The following CHCHD6 variants were observed in gnomAD, a reference collection of about 807,000 sequenced individuals.
The protein encoded by CHCHD6 is coiled-coil-helix-coiled-coil-helix domain containing 6.
CHCHD6 carries 28 observed loss-of-function variants against 32.3 expected under a neutral mutation model. That is an observed-to-expected ratio of 0.87 (90% CI 0.64 to 1.19). The LOEUF (loss-of-function observed/expected upper bound fraction) is 1.19. Among genes scored for constraint, CHCHD6 ranks in the 50% most tolerant of loss-of-function variants. The pLI is 0.00. For missense variants in CHCHD6, 333 were observed against 307.0 expected (o/e 1.08, Z -0.63); for synonymous variants, 122 against 117.5 (o/e 1.04, Z -0.25).
chr3:126,730,450 C>A, intron 2 of CHCHD6, 111 bp from the exon 3 acceptor site: 1 of 829,004 alleles, frequency 1.2e-6, no homozygotes. Context: ...TGTGATGCTG[C>A]CTTCCAAGGG....
At chr3:126,789,726 G>A (rs569254618) in intron 4 of CHCHD6, among the ~76,000 whole-genome samples, 27 of 152,246 alleles carry the variant, frequency 1.8e-4, no homozygotes, top group African/African-American at 5.1e-4. Context: ...GTCTCTGCAC[G>A]TGAGATGGGT....
intron 4 of CHCHD6, among the ~76,000 whole-genome samples, chr3:126,796,906 T>C (rs928574564): frequency 5.3e-5 from 8 of 152,334 alleles, no homozygotes; most frequent in Non-Finnish European, 1.2e-4. Flanking sequence ...CAGGGAAGCC[T>C]TGGGTACAGG....
At chr3:126,863,512 T>TCCC in intron 5 of CHCHD6, among the ~76,000 whole-genome samples, 1 of 124,786 alleles carries the variant, frequency 8.0e-6, no homozygotes, top group East Asian at 2.7e-4. Context: ...TATCACCACC[T>TCCC]CCTCCTCCAC....
intron 4 of CHCHD6, among the ~76,000 whole-genome samples, chr3:126,803,758 A>G (rs1939204878): frequency 1.3e-5 from 2 of 152,232 alleles, no homozygotes; most frequent in African/African-American, 4.8e-5. Flanking sequence ...AACGGAATAT[A>G]CATTTTTGTC....
chr3:126,838,371 T>C (rs1202646758), intron 4 of CHCHD6, among the ~76,000 whole-genome samples: 2 of 152,180 alleles, frequency 1.3e-5, no homozygotes, highest in African/African-American at 4.8e-5. Context: ...AAGATGACCC[T>C]AGAGAAGCAG....
chr3:126,906,279 T>G (rs2078004143), intron 5 of CHCHD6, among the ~76,000 whole-genome samples: 1 of 151,898 alleles, frequency 6.6e-6, no homozygotes, highest in South Asian at 2.1e-4. Flanking sequence ...TGCAGCATCC[T>G]CCAGGCCTCC....
intron 4 of CHCHD6, among the ~76,000 whole-genome samples, chr3:126,830,943 C>T (rs540247904): frequency 6.6e-6 from 1 of 152,336 alleles, no homozygotes; most frequent in Admixed American, 6.5e-5. Context: ...GCTCACAGGA[C>T]AGCACCTAAG....
chr3:126,783,630 A>G (rs749424196), intron 4 of CHCHD6, among the ~76,000 whole-genome samples: 8 of 152,278 alleles, frequency 5.3e-5, no homozygotes, highest in Admixed American at 5.2e-4. Flanking sequence ...GCATTTCTAT[A>G]TACTAATAAT....
At chr3:126,833,986 G>A (rs1044598800) in intron 4 of CHCHD6, among the ~76,000 whole-genome samples, 14 of 146,436 alleles carry the variant, frequency 9.6e-5, no homozygotes, top group East Asian at 2.0e-4. Context: ...CCCGGGAGGC[G>A]GAGCTTGCAG....
At chr3:126,704,789 C>A (rs187410219) in intron 1 of CHCHD6, among the ~76,000 whole-genome samples, 1 of 152,178 alleles carries the variant, frequency 6.6e-6, no homozygotes, top group South Asian at 2.1e-4. Flanking sequence ...TGGGCTTTGC[C>A]TGGGGACTCA....
chr3:126,910,989 C>G (rs1260302402), intron 5 of CHCHD6, among the ~76,000 whole-genome samples: 1 of 152,152 alleles, frequency 6.6e-6, no homozygotes, highest in Admixed American at 6.5e-5. Context: ...CAGTATTCAC[C>G]ACACACCCTC....
intron 5 of CHCHD6, among the ~76,000 whole-genome samples, chr3:126,864,083 C>G (rs1942127109): frequency 1.3e-5 from 2 of 150,680 alleles, no homozygotes; most frequent in Admixed American, 6.6e-5. Flanking sequence ...ACAATCACCA[C>G]CTCCTCCACC....
intron 5 of CHCHD6, among the ~76,000 whole-genome samples, chr3:126,874,223 G>T (rs866647771): frequency 3.3e-5 from 5 of 152,348 alleles, no homozygotes; most frequent in Middle Eastern, 3.4e-3. Context: ...TGTAACACCA[G>T]GTGTCTAAAA....
chr3:126,766,769 C>G lies in CHCHD6; in HGVS notation c.411+33547C>G, dbSNP rs1035743178. On this transcript the variant is annotated intron_variant, in intron 4 of 7. Transcript: ENST00000290913. ...GTAGATTCACGGGAGGTGTTGGTGG[C>G]CCCCTGGAAAAACAGACCACCCACT... 4.7e-5 allele frequency: 54 copies of G among 1,140,456 alleles called. 1 individual carries two copies. Among genetic ancestry groups the G allele is most frequent in the South Asian group, 4.5e-4 (37 of 81,360 alleles). 70.6% of individuals were successfully genotyped at this position (1,140,456 alleles called of 1,614,324 possible). A position where few individuals can be genotyped will look rare whatever the true frequency, so the allele number is the denominator to read the frequency against.
At chr3:126,912,152 C>T (rs778438088) in intron 5 of CHCHD6, among the ~76,000 whole-genome samples, 1 of 152,156 alleles carries the variant, frequency 6.6e-6, no homozygotes, top group African/African-American at 2.4e-5. Flanking sequence ...CAAAGAACAC[C>T]GCCAGCATAT....
At chr3:126,930,423 G>C (rs1344482550) in intron 6 of CHCHD6, among the ~76,000 whole-genome samples, 1 of 152,194 alleles carries the variant, frequency 6.6e-6, no homozygotes, top group Non-Finnish European at 1.5e-5. Flanking sequence ...TGGTATTCCT[G>C]GGCACAGTTG....
chr3:126,718,629 T>C (rs1165598499), intron 1 of CHCHD6, among the ~76,000 whole-genome samples: 5 of 152,132 alleles, frequency 3.3e-5, no homozygotes, highest in Non-Finnish European at 7.4e-5. Context: ...AGCTAAAGAA[T>C]TGGGGCAGCA....
At chr3:126,773,190 A>G (rs954050422) in intron 4 of CHCHD6, among the ~76,000 whole-genome samples, 2 of 152,120 alleles carry the variant, frequency 1.3e-5, no homozygotes, top group Non-Finnish European at 1.5e-5. Context: ...TCTGATGATT[A>G]TATGTCTTGG....
chr3:126,805,857 T>C (rs931649178), intron 4 of CHCHD6, among the ~76,000 whole-genome samples: 6 of 152,132 alleles, frequency 3.9e-5, no homozygotes, highest in South Asian at 2.1e-4. Flanking sequence ...AACAGAGATA[T>C]AGATCAATGG....
Sources: gnomAD v4.1 joint callset for allele counts (sites outside exome capture counted in the v4.1 genomes callset) on GRCh38, gnomAD v4.1.1 for gene constraint, MANE v1.5 for transcripts, NCBI Gene and HGNC (gene_info 2026-07-23, HGNC 2026-07-21) for gene names.